The following ETV1 variants were observed in gnomAD, a reference collection of about 807,000 sequenced individuals.
The protein encoded by ETV1 is ETS translocation variant 1.
Under a neutral mutation model 62.3 loss-of-function variants are expected in ETV1, and 27 were observed. The ratio of observed to expected loss-of-function variants is 0.43; its 90% CI spans 0.32 to 0.60. The LOEUF is 0.60. Among genes scored for constraint, ETV1 ranks in the 20% least tolerant of loss-of-function variants. The pLI, the probability that ETV1 is intolerant of heterozygous loss-of-function variation, is 0.06. For synonymous variants in ETV1, 222 were observed against 199.6 expected (o/e 1.11, Z -0.94); for missense variants, 605 against 605.8 (o/e 1.00, Z 0.01).
intron 5 of ETV1, among the ~76,000 whole-genome samples, chr7:13,979,131 T>G (rs919486482): frequency 6.6e-6 from 1 of 152,140 alleles, no homozygotes; most frequent in African/African-American, 2.4e-5. Context: ...ACATGCTAGT[T>G]GTGCAACTTT....
At chr7:13,922,105 C>A (rs1228397970) in intron 9 of ETV1, among the ~76,000 whole-genome samples, 4 of 151,960 alleles carry the variant, frequency 2.6e-5, no homozygotes, top group Non-Finnish European at 4.4e-5. Flanking sequence ...ATATAAAATT[C>A]ATAATAGATT....
chr7:13,915,793 A>G (rs1281248674), intron 9 of ETV1, among the ~76,000 whole-genome samples: 1 of 152,092 alleles, frequency 6.6e-6, no homozygotes, highest in Non-Finnish European at 1.5e-5. Context: ...TGACCACTCT[A>G]TTGCAGAACA....
intron 9 of ETV1, among the ~76,000 whole-genome samples, chr7:13,915,207 G>T (rs543069557): frequency 6.6e-6 from 1 of 152,294 alleles, no homozygotes; most frequent in Middle Eastern, 3.4e-3. Context: ...TTGTGGAGTT[G>T]ATATGACAAA....
chr7:13,947,158 T>C (rs1052137053), intron 6 of ETV1, among the ~76,000 whole-genome samples: 2 of 152,204 alleles, frequency 1.3e-5, no homozygotes, highest in Admixed American at 6.5e-5. Flanking sequence ...TATCCTTACA[T>C]TGAAAACAGA....
rs1781581138 is a variant in ETV1, at chr7:13,894,175, T to C, written c.*1691A>G. On this transcript the variant is annotated 3_prime_UTR_variant, in exon 14 of 14. Coordinates refer to ENST00000430479, the MANE Select transcript of ETV1 (RefSeq NM_004956.5). Reference sequence around the variant, plus strand: ...TAGAATTTTTTTTTTTTTTTGCTTTTTGCTATAGACTCTTTAAAAAAGTTG... The same window carrying C: ...TAGAATTTTTTTTTTTTTTTGCTTTCTGCTATAGACTCTTTAAAAAAGTTG... The C allele has an allele frequency of 8.6e-6, 2 of 232,554 alleles. No homozygotes were observed. Among genetic ancestry groups the C allele is most frequent in the South Asian group, 3.6e-4 (2 of 5,520 alleles). The allele number at this position is 232,554 out of a possible 1,614,324, so 14.4% of individuals were successfully genotyped here.
chr7:13,914,625 A>T (rs1310069984), intron 9 of ETV1, among the ~76,000 whole-genome samples: 7 of 152,094 alleles, frequency 4.6e-5, no homozygotes, highest in Non-Finnish European at 8.8e-5. Context: ...AACTAAAAAA[A>T]AAAAAAAAAA....
chr7:13,960,404 C>T (rs971551390), intron 6 of ETV1, among the ~76,000 whole-genome samples: 7 of 152,126 alleles, frequency 4.6e-5, no homozygotes, highest in African/African-American at 1.7e-4. Flanking sequence ...CTGAGTTATT[C>T]AATACTCATC....
intron 7 of ETV1, among the ~76,000 whole-genome samples, chr7:13,937,390 T>A (rs189584698): frequency 2.4e-3 from 363 of 152,328 alleles, no homozygotes; most frequent in African/African-American, 8.0e-3. Context: ...TATTCCCCCA[T>A]GAAATGCTGT....
intron 6 of ETV1, among the ~76,000 whole-genome samples, chr7:13,974,381 G>T (rs77613167): frequency 6.6e-6 from 1 of 152,140 alleles, no homozygotes; most frequent in Non-Finnish European, 1.5e-5. Context: ...GACAGTCAAG[G>T]CTTCGGTTGT....
chr7:13,962,180 TACACACAC>T (rs113827897), intron 6 of ETV1, among the ~76,000 whole-genome samples: 1 of 147,760 alleles, frequency 6.8e-6, no homozygotes, highest in East Asian at 2.0e-4. Context: ...CAATGTTATG[TACACACAC>T]ACACACACAC....
intron 9 of ETV1, among the ~76,000 whole-genome samples, chr7:13,920,135 G>C (rs572124853): frequency 6.4e-4 from 97 of 152,200 alleles, no homozygotes; most frequent in Non-Finnish European, 1.0e-3. Flanking sequence ...CTCACAAGCA[G>C]ATTATCCATC....
chr7:13,975,321 C>A (rs752253240), intron 6 of ETV1, among the ~76,000 whole-genome samples: 1 of 151,822 alleles, frequency 6.6e-6, no homozygotes. Context: ...CCAAGGCGGG[C>A]GGATCACGAG....
chr7:13,932,111 T>C (rs577662401), intron 8 of ETV1, among the ~76,000 whole-genome samples: 1 of 151,988 alleles, frequency 6.6e-6, no homozygotes, highest in South Asian at 2.1e-4. Flanking sequence ...ATCAATTGGA[T>C]CACGGATAAT....
Position 13,942,020 on chromosome 7 carries a change from C to CTTT in ETV1, c.236-2777_236-2775dup, listed in dbSNP as rs560415338. ...TTTGTAATACATTAACCATGCATTT[C>CTTT]TTTTTTTTTTTTTTTTTTTTTGAGA... is the stretch of plus-strand genomic sequence containing the variant. On this transcript the variant is annotated intron_variant, in intron 6 of 13. Coordinates refer to ENST00000430479, the MANE Select transcript of ETV1 (RefSeq NM_004956.5). Among the ~76,000 whole-genome samples, 73 of 99,734 alleles carry CTTT rather than the reference C, an allele frequency of 7.3e-4. 1 individual carries two copies. The East Asian group carries it at 0.014, about 20-fold the overall frequency. 65.4% of individuals were successfully genotyped at this position (99,734 alleles called of 152,430 possible).
In ETV1 at chr7:13,931,684, C is replaced by T. The variant is rs2128450717; in HGVS notation, c.620G>A (p.Gly207Glu). The T allele has an allele frequency of 6.2e-7, 1 of 1,613,430 alleles. No homozygotes were observed. The highest frequency in any genetic ancestry group is 8.5e-7 in the Non-Finnish European group (1 of 1,179,616). ...FPPLPTMPRE[G>E]RPMYQRQMSE... ...CATCTGGCGTTGGTACATAGGACGT[C>T]CTTCCCTTGGCATCGTCGGCAAAGG... is the stretch of plus-strand genomic sequence containing the variant. The change falls in exon 9 of 14, where the codon GGA becomes GAA. Residue 207 changes from glycine to glutamate, a missense_variant. Physicochemically the swap from Gly to Glu is moderately conservative, Grantham distance 98. This residue lies in a region of ETV1 where 426 missense variants were observed against 377.8 expected (regional missense o/e 1.13). Transcript: ENST00000430479.
intron 6 of ETV1, among the ~76,000 whole-genome samples, chr7:13,965,118 T>C (rs1790632896): frequency 6.6e-6 from 1 of 152,166 alleles, no homozygotes; most frequent in Non-Finnish European, 1.5e-5. Context: ...AAATACACCA[T>C]GTCTGAAACA....
chr7:13,919,262 G>A (rs1426269646), intron 9 of ETV1, among the ~76,000 whole-genome samples: 1 of 151,924 alleles, frequency 6.6e-6, no homozygotes, highest in Non-Finnish European at 1.5e-5. Flanking sequence ...GACACAAATC[G>A]TAAATGGATG....
At chr7:13,913,966 G>C (rs902411526) in intron 9 of ETV1, among the ~76,000 whole-genome samples, 1 of 134,136 alleles carries the variant, frequency 7.5e-6, no homozygotes, top group Non-Finnish European at 1.5e-5. Context: ...CTCACTGCAA[G>C]CTCCGCCTCC....
At chr7:13,958,665 T>A (rs955575581) in intron 6 of ETV1, 1 of 152,158 alleles carries the variant, frequency 6.6e-6, no homozygotes, top group Admixed American at 6.5e-5. Flanking sequence ...CAGTGTAGCA[T>A]CGTGGTTAAG....
Sources: allele counts gnomAD v4.1 joint callset (sites outside exome capture counted in the v4.1 genomes callset), GRCh38; gene constraint gnomAD v4.1.1; regional missense constraint gnomAD v4.1.1; transcripts MANE v1.5; gene names NCBI Gene and HGNC (gene_info 2026-07-23, HGNC 2026-07-21).